Variants in IMMP2L observed in about 807,000 individuals in gnomAD.
The protein encoded by IMMP2L is inner mitochondrial membrane peptidase subunit 2.
IMMP2L carries 18 observed loss-of-function variants against 19.3 expected under a neutral mutation model. The observed-to-expected ratio is 0.93, with a 90% CI of 0.64 to 1.38. The LOEUF is 1.38. Among genes scored for constraint, IMMP2L ranks in the 40% most tolerant of loss-of-function variants. The probability of loss-of-function intolerance (pLI) is 0.00; values close to 1 mark genes in which losing one functional copy is unlikely to be tolerated. For synonymous variants in IMMP2L, 76 were observed against 73.0 expected (o/e 1.04, Z -0.21); for missense variants, 233 against 218.2 (o/e 1.07, Z -0.43).
chr7:111,470,980 C>T (rs1841207967), intron 3 of IMMP2L, among the ~76,000 whole-genome samples: 1 of 151,866 alleles, frequency 6.6e-6, no homozygotes, highest in Non-Finnish European at 1.5e-5. Flanking sequence ...ATGTAATATA[C>T]AACAAAGGGC....
chr7:111,086,216 C>G (rs905015553), intron 3 of IMMP2L, among the ~76,000 whole-genome samples: 2 of 146,572 alleles, frequency 1.4e-5, no homozygotes, highest in Non-Finnish European at 1.5e-5. Flanking sequence ...CGCTTGAGAG[C>G]AGGCTGGGCA....
At chr7:111,136,433 A>T (rs1802355116) in intron 3 of IMMP2L, among the ~76,000 whole-genome samples, 4 of 125,044 alleles carry the variant, frequency 3.2e-5, no homozygotes, top group Admixed American at 1.4e-4. Context: ...TTTTAGAAAT[A>T]AAAAAAAATG....
chr7:111,523,090 G>A (rs1222357216), intron 1 of IMMP2L, among the ~76,000 whole-genome samples: 1 of 151,890 alleles, frequency 6.6e-6, no homozygotes, highest in South Asian at 2.1e-4. Flanking sequence ...TAAAAGTAGA[G>A]AGTAGAAGGG....
intron 3 of IMMP2L, among the ~76,000 whole-genome samples, chr7:111,424,893 A>C (rs1835918698): frequency 6.6e-6 from 1 of 151,814 alleles, no homozygotes; most frequent in Non-Finnish European, 1.5e-5. Context: ...AAATTCTTTG[A>C]CAAGTGACTT....
intron 3 of IMMP2L, among the ~76,000 whole-genome samples, chr7:111,456,207 T>C (rs1251333151): frequency 6.6e-6 from 1 of 152,006 alleles, no homozygotes; most frequent in African/African-American, 2.4e-5. Context: ...TTATTCAATC[T>C]CTTGTTTACT....
chr7:110,854,584 T>C (rs1433409932), intron 5 of IMMP2L, among the ~76,000 whole-genome samples: 1 of 151,880 alleles, frequency 6.6e-6, no homozygotes, highest in East Asian at 1.9e-4. Context: ...CCCATGAAAA[T>C]AGTCAATCTA....
intron 1 of IMMP2L, among the ~76,000 whole-genome samples, chr7:111,555,423 A>T (rs189102251): frequency 6.6e-6 from 1 of 150,494 alleles, no homozygotes; most frequent in East Asian, 2.0e-4. Context: ...GCCGGGAAGG[A>T]GTAGGCAAAC....
intron 5 of IMMP2L, among the ~76,000 whole-genome samples, chr7:110,796,926 C>T (rs759099543): frequency 3.3e-5 from 5 of 151,984 alleles, no homozygotes; most frequent in Non-Finnish European, 5.9e-5. Flanking sequence ...TTGCTTATTG[C>T]GACCTCAGCA....
At chr7:110,704,296 G>A (rs529145192) in intron 5 of IMMP2L, among the ~76,000 whole-genome samples, 2 of 152,248 alleles carry the variant, frequency 1.3e-5, no homozygotes, top group Non-Finnish European at 2.9e-5. Flanking sequence ...AAGAAAAATT[G>A]AGCCTAAGTT....
At chr7:111,226,107 A>ATTCCC (rs1431923550) in intron 3 of IMMP2L, among the ~76,000 whole-genome samples, 2 of 151,794 alleles carry the variant, frequency 1.3e-5, no homozygotes, top group African/African-American at 2.4e-5. Flanking sequence ...CTTCTTCCCC[A>ATTCCC]TTCCCTTTTT....
intron 3 of IMMP2L, among the ~76,000 whole-genome samples, chr7:111,044,050 AT>A (rs1792146472): frequency 6.6e-6 from 1 of 152,230 alleles, no homozygotes; most frequent in Non-Finnish European, 1.5e-5. Flanking sequence ...ATCAAAAGAC[AT>A]TATGTCAAGC....
rs543939191 is a variant in IMMP2L at position 111,321,533 on chromosome 7, T to C, written c.239+165705A>G. Among the ~76,000 whole-genome samples the C allele has an allele frequency of 2.6e-5, 4 of 152,078 alleles. No individual in the cohort carries two copies. The East Asian group carries it at 7.7e-4, about 29-fold the overall frequency. The stretch of plus-strand genomic sequence containing the variant: ...ACAATCTTTTTTTTTCTCTAAATTA[T>C]TAATATTTATCTTTGAGGTTGAGAT... On this transcript the variant is annotated intron_variant, in intron 3 of 5. Transcript: ENST00000405709.
At chr7:110,923,949 C>A (rs911794931) in intron 4 of IMMP2L, among the ~76,000 whole-genome samples, 28 of 152,124 alleles carry the variant, frequency 1.8e-4, no homozygotes, top group Non-Finnish European at 4.0e-4. Flanking sequence ...CCAGGAATAG[C>A]CCCCCACTGA....
chr7:110,719,277 C>T (rs1297205130), intron 5 of IMMP2L, among the ~76,000 whole-genome samples: 1 of 152,106 alleles, frequency 6.6e-6, no homozygotes, highest in Non-Finnish European at 1.5e-5. Context: ...CCTTGTGGTA[C>T]ATGGATGAGT....
intron 3 of IMMP2L, among the ~76,000 whole-genome samples, chr7:111,180,372 G>A (rs1756108812): frequency 1.3e-5 from 2 of 151,982 alleles, no homozygotes; most frequent in South Asian, 2.1e-4. Context: ...GAGGCCTGAG[G>A]AGAGGAAAAG....
intron 5 of IMMP2L, among the ~76,000 whole-genome samples, chr7:110,767,154 C>T (rs1335362070): frequency 6.6e-6 from 1 of 152,028 alleles, no homozygotes. Context: ...ATTTATTTAT[C>T]CTATTAAGCC....
At chr7:111,238,626 A>C (rs937652479) in intron 3 of IMMP2L, among the ~76,000 whole-genome samples, 1 of 151,974 alleles carries the variant, frequency 6.6e-6, no homozygotes, top group African/African-American at 2.4e-5. Context: ...AAGGTTTTAG[A>C]GTGATAAAAG....
intron 3 of IMMP2L, among the ~76,000 whole-genome samples, chr7:110,970,119 T>A (rs1819980195): frequency 6.6e-6 from 1 of 151,210 alleles, no homozygotes; most frequent in Non-Finnish European, 1.5e-5. Flanking sequence ...GCCTGGATTA[T>A]GTAAAATCAA....
intron 5 of IMMP2L, among the ~76,000 whole-genome samples, chr7:110,675,444 C>A (rs754198276): frequency 3.9e-5 from 6 of 152,274 alleles, no homozygotes; most frequent in Non-Finnish European, 8.8e-5. Flanking sequence ...AGAACCCACT[C>A]CTCCTGGGCC....
Sources: gnomAD v4.1 joint callset for allele counts (sites outside exome capture counted in the v4.1 genomes callset) on GRCh38, gnomAD v4.1.1 for gene constraint, MANE v1.5 for transcripts, NCBI Gene and HGNC (gene_info 2026-07-23, HGNC 2026-07-21) for gene names.